Variants in KLHDC4 observed in about 807,000 individuals in gnomAD.
KLHDC4 encodes the protein kelch domain-containing protein 4.
Under a neutral mutation model 62.4 loss-of-function variants are expected in KLHDC4, and 90 were observed. That is an observed-to-expected ratio of 1.44 (90% CI 1.22 to 1.72). KLHDC4 has a LOEUF of 1.72. Among genes scored for constraint, KLHDC4 ranks in the 40% most tolerant of loss-of-function variants. The probability of loss-of-function intolerance (pLI) is 0.00; values close to 1 mark genes in which losing one functional copy is unlikely to be tolerated. For synonymous variants in KLHDC4, 386 were observed against 284.4 expected, an observed-to-expected ratio of 1.36 and a Z score of -3.59; for missense variants, 1,025 against 699.7, an observed-to-expected ratio of 1.47 and a Z score of -5.25.
downstream of KLHDC4, among the ~76,000 whole-genome samples, chr16:87,706,371 G>C (rs553122406): frequency 2.5e-3 from 333 of 132,080 alleles, no homozygotes; most frequent in Non-Finnish European, 4.3e-3. Flanking sequence ...TGCAGCCCTT[G>C]GGGGGGTCGG....
At chr16:87,701,810 G>C in exon 1 of KLHDC4, 1 of 456,752 alleles carries the variant, frequency 2.2e-6, no homozygotes, top group Non-Finnish European at 4.4e-6. Context: ...CCATGGGACA[G>C]AGGCCTCCAG....
chr16:87,731,024 T>A (rs1161521249), intron 5 of KLHDC4: 1 of 151,734 alleles, frequency 6.6e-6, no homozygotes, highest in African/African-American at 2.5e-5. Flanking sequence ...AAATGACTTG[T>A]ATCCAGAATA....
rs771590646 is a variant in KLHDC4, at chr16:87,719,670, T to TAAA, written c.760-5100_760-5098dup. On this transcript the variant is annotated intron_variant, in intron 7 of 11. Coordinates refer to ENST00000270583, the MANE Select transcript of KLHDC4 (RefSeq NM_017566.4). ...ACACCCAAGAATGATCAATAAATAC[T>TAAA]AAAAAAAAAAAACAAAAAACTGATT... 1.9e-3 allele frequency among the ~76,000 whole-genome samples: 251 copies of TAAA among 132,134 alleles called. 9 individuals are homozygous for TAAA. The East Asian group carries it at 0.026, about 13-fold the overall frequency. 86.7% of individuals were successfully genotyped at this position (132,134 alleles called of 152,430 possible).
chr16:87,715,158 G>C (rs868290899), intron 7 of KLHDC4, among the ~76,000 whole-genome samples: 5 of 152,176 alleles, frequency 3.3e-5, no homozygotes, highest in Non-Finnish European at 5.9e-5. Flanking sequence ...CCCATTACCT[G>C]GGACCTAAGG....
At chr16:87,759,167 T>A (rs145453398) in intron 2 of KLHDC4, among the ~76,000 whole-genome samples, 10 of 147,180 alleles carry the variant, frequency 6.8e-5, no homozygotes, top group African/African-American at 2.5e-4. Context: ...AGCAAAACTC[T>A]GTCTCAAAAA....
At chr16:87,706,604 C>CATCAAGTGTCAAGTG (rs1310744237), downstream of KLHDC4, among the ~76,000 whole-genome samples, 4 of 152,236 alleles carry the variant, frequency 2.6e-5, no homozygotes, top group African/African-American at 9.6e-5. Context: ...TCAGCATTCC[C>CATCAAGTGTCAAGTG]ATCAAGTGTC....
rs1213268868 is a variant in KLHDC4, at chr16:87,727,685, C to CT, written c.600-762dup. On this transcript the variant is annotated intron_variant, in intron 6 of 11. Coordinates refer to ENST00000270583, the MANE Select transcript of KLHDC4 (RefSeq NM_017566.4). Reference sequence around the variant, plus strand: ...CAGAAAGTCCTGTCCTAATGTGGAACTTTGACACAATTATCGTGAAAGCGT... The same window carrying CT: ...CAGAAAGTCCTGTCCTAATGTGGAACTTTTGACACAATTATCGTGAAAGCGT... Among the ~76,000 whole-genome samples, 4 of 152,320 alleles carry CT rather than the reference C, an allele frequency of 2.6e-5. No individual in the cohort carries two copies. The East Asian group carries it at 7.7e-4, about 29-fold the overall frequency.
chr16:87,760,232 A>G (rs1363013215), intron 2 of KLHDC4, among the ~76,000 whole-genome samples: 6 of 149,254 alleles, frequency 4.0e-5, no homozygotes, highest in African/African-American at 1.5e-4. Flanking sequence ...CTAAAATATC[A>G]TTAAAAAAAA....
rs918054626 is a variant in KLHDC4 at position 87,765,849 on chromosome 16, C to T, written c.42G>A (p.Ala14=). The change falls in exon 1 of 12, where the codon GCG becomes GCA. Residue 14 remains alanine (A), a synonymous_variant. Transcript: ENST00000270583. ...TCTCCATCTTGGCGGCCGTCTTCTC[C>T]GCGCCGCGGCCCTTCTTCTCCTTCT... is the stretch of plus-strand genomic sequence containing the variant. ...KGKKEKKGRG[A]EKTAAKMEKK... is the part of the protein sequence containing the mutation. 6.4e-7 allele frequency: 1 copy of T among 1,554,556 alleles called. No homozygotes were observed. Among genetic ancestry groups the T allele is most frequent in the East Asian group, 2.4e-5 (1 of 41,492 alleles).
intron 1 of KLHDC4, among the ~76,000 whole-genome samples, chr16:87,763,140 A>G (rs2046126109): frequency 6.6e-6 from 1 of 152,046 alleles, no homozygotes; most frequent in South Asian, 2.1e-4. Flanking sequence ...ATTCCTGTAT[A>G]CGGTTCCCAG....
At chr16:87,702,668 G>T (rs1271844159), upstream of KLHDC4, 2 of 219,060 alleles carry the variant, frequency 9.1e-6, no homozygotes, top group African/African-American at 4.5e-5. Flanking sequence ...CTCTGCTCAG[G>T]GGAGCCACGC....
downstream of KLHDC4, among the ~76,000 whole-genome samples, chr16:87,704,592 GAGA>G (rs2034445288): frequency 6.8e-6 from 1 of 148,118 alleles, no homozygotes; most frequent in South Asian, 2.2e-4. Context: ...GAACGTCACG[GAGA>G]AGGAGGCGCC....
At chr16:87,723,840 CT>C (rs1476202538) in intron 7 of KLHDC4, among the ~76,000 whole-genome samples, 3 of 152,196 alleles carry the variant, frequency 2.0e-5, no homozygotes, top group Non-Finnish European at 4.4e-5. Flanking sequence ...AAAGCCTTTT[CT>C]TTTTTCTTTT....
At chr16:87,716,254 C>T (rs533894094) in intron 7 of KLHDC4, among the ~76,000 whole-genome samples, 27 of 146,324 alleles carry the variant, frequency 1.8e-4, no homozygotes, top group African/African-American at 6.9e-4. Context: ...CTCGTGGATA[C>T]TGACATAGAC....
intron 4 of KLHDC4, among the ~76,000 whole-genome samples, chr16:87,751,201 C>T (rs914725119): frequency 2.6e-5 from 4 of 152,176 alleles, no homozygotes; most frequent in Non-Finnish European, 5.9e-5. Flanking sequence ...ACTGGCTGGG[C>T]GTGGTGGCTC....
chr16:87,732,626 A>G (rs896921246), intron 5 of KLHDC4, among the ~76,000 whole-genome samples: 3 of 152,252 alleles, frequency 2.0e-5, no homozygotes, highest in African/African-American at 7.2e-5. Context: ...ATTTCAAATA[A>G]AGCAGAGATA....
chr16:87,748,736 T>A lies in KLHDC4; in HGVS notation c.443A>T (p.Gln148Leu). Residue 148 changes from glutamine to leucine, a missense_variant, in exon 5 of 12, where the codon CAG (glutamine) becomes CTG (leucine). Physicochemically the swap from Gln to Leu is moderately radical, Grantham distance 113. Coordinates refer to ENST00000270583, the MANE Select transcript of KLHDC4 (RefSeq NM_017566.4). ...GGEFASPNGE[Q>L]FYHYKDLWVL... Reference sequence around the variant, plus strand: ...CCAGAGATCCTTGTAGTGGTAGAACTGCTCTCCGTTGGGAGAGGCAAACTC... The same window carrying A: ...CCAGAGATCCTTGTAGTGGTAGAACAGCTCTCCGTTGGGAGAGGCAAACTC... 1 of 1,613,460 alleles carries A rather than the reference T, an allele frequency of 6.2e-7. No individual in the cohort carries two copies.
downstream of KLHDC4, chr16:87,702,988 C>T (rs761362357): frequency 5.9e-5 from 9 of 152,148 alleles, no homozygotes; most frequent in South Asian, 4.1e-4. Flanking sequence ...CATACTGTTA[C>T]GAAAACAACA....
rs1232644297 is a variant in KLHDC4, at chr16:87,711,382, A to C, written c.897T>G (p.Phe299Leu). 1.9e-6 allele frequency: 3 copies of C among 1,613,806 alleles called. No homozygotes were observed. The highest frequency in any genetic ancestry group is 2.5e-6 in the Non-Finnish European group (3 of 1,180,020). ...GGTGATTCGGGGCCATGGCCACGGA[A>C]AAGCCAGACCGTGGGGTGGGCTTGA... ...SGVKPTPRSGFSVAMAPNHQT... is the reference protein window; with the variant it reads ...SGVKPTPRSGLSVAMAPNHQT... The change falls in exon 9 of 12, where the codon TTT becomes TTG. Residue 299 changes from phenylalanine to leucine, a missense_variant. Phe to Leu is a conservative substitution (Grantham distance 22, BLOSUM62 0). Transcript: ENST00000270583.
Sources: allele counts gnomAD v4.1 joint callset (sites outside exome capture counted in the v4.1 genomes callset), GRCh38; gene constraint gnomAD v4.1.1; transcripts MANE v1.5; gene names NCBI Gene and HGNC (gene_info 2026-07-23, HGNC 2026-07-21).